The following ITPR2 variants were observed in gnomAD, a reference collection of about 807,000 sequenced individuals.
ITPR2 encodes inositol 1,4,5-trisphosphate-gated calcium channel ITPR2.
ITPR2 carries 207 observed loss-of-function variants against 317.1 expected under a neutral mutation model. That is an observed-to-expected ratio of 0.65 (90% CI 0.58 to 0.73). ITPR2 has a LOEUF of 0.73. Among genes scored for constraint, ITPR2 ranks in the 30% least tolerant of loss-of-function variants. The pLI is 0.00. For missense variants in ITPR2, 2,613 were observed against 3,284.0 expected (o/e 0.80, Z 4.99); for synonymous variants, 1,156 against 1,149.1 (o/e 1.01, Z -0.12).
chr12:26,656,487 T>C lies in ITPR2; in HGVS notation c.2254A>G (p.Ile752Val), dbSNP rs753953775. Residue 752 changes from isoleucine to valine, a missense_variant, in exon 19 of 57, where the codon ATT (isoleucine) becomes GTT (valine). Physicochemically the swap from Ile to Val is conservative, Grantham distance 29. Transcript: ENST00000381340. ...AGGTCTACAGACAGCTGTGTAGAAATCTGGTTTATGGCCAGATACTGGCGA... is the reference window on the plus strand; with the variant it reads ...AGGTCTACAGACAGCTGTGTAGAAACCTGGTTTATGGCCAGATACTGGCGA... ...LDRQYLAINQ[I>V]STQLSVDLIL... The C allele has an allele frequency of 1.9e-6, 3 of 1,614,190 alleles. No homozygotes were observed. The highest frequency in any genetic ancestry group is 1.3e-5 in the African/African-American group (1 of 75,052).
intron 55 of ITPR2, among the ~76,000 whole-genome samples, chr12:26,378,828 T>C (rs1939421060): frequency 6.6e-6 from 1 of 152,246 alleles, no homozygotes; most frequent in Non-Finnish European, 1.5e-5. Flanking sequence ...AAGTATGCAG[T>C]TGCCAACCAG....
chr12:26,560,747 T>C (rs2137027163), intron 35 of ITPR2, among the ~76,000 whole-genome samples: 1 of 152,346 alleles, frequency 6.6e-6, no homozygotes, highest in Non-Finnish European at 1.5e-5. Flanking sequence ...ATTTTTAATG[T>C]CTCACACCAT....
chr12:26,484,241 G>A (rs1336126757), intron 41 of ITPR2, among the ~76,000 whole-genome samples: 1 of 150,960 alleles, frequency 6.6e-6, no homozygotes, highest in Non-Finnish European at 1.5e-5. Context: ...ACTACACAGA[G>A]AGGGAAAGAG....
chr12:26,620,459 G>C (rs1208484507), intron 26 of ITPR2, among the ~76,000 whole-genome samples: 3 of 152,186 alleles, frequency 2.0e-5, no homozygotes, highest in African/African-American at 4.8e-5. Context: ...ACACCAGACA[G>C]GCATTTACAA....
At chr12:26,430,712 A>T (rs1204046221) in intron 48 of ITPR2, among the ~76,000 whole-genome samples, 1 of 152,244 alleles carries the variant, frequency 6.6e-6, no homozygotes, top group African/African-American at 2.4e-5. Flanking sequence ...AATTTACCCT[A>T]TACATTTTTA....
At chr12:26,391,083 A>G (rs1209861799) in intron 54 of ITPR2, among the ~76,000 whole-genome samples, 2 of 152,248 alleles carry the variant, frequency 1.3e-5, no homozygotes, top group Admixed American at 6.5e-5. Context: ...ATCCAGCCTC[A>G]GTACATGATT....
intron 55 of ITPR2, among the ~76,000 whole-genome samples, chr12:26,377,413 A>G (rs1224604438): frequency 6.6e-6 from 1 of 152,214 alleles, no homozygotes; most frequent in Non-Finnish European, 1.5e-5. Flanking sequence ...ACACATCTTT[A>G]AAAAATAAAA....
chr12:26,475,010 T>C (rs895531145), intron 45 of ITPR2, among the ~76,000 whole-genome samples: 3 of 152,076 alleles, frequency 2.0e-5, no homozygotes, highest in Admixed American at 1.3e-4. Context: ...AGGACCCTCA[T>C]TTTTTGCCAT....
intron 1 of ITPR2, among the ~76,000 whole-genome samples, chr12:26,811,472 G>A (rs750765153): frequency 2.0e-5 from 3 of 149,188 alleles, no homozygotes; most frequent in Non-Finnish European, 3.0e-5. Flanking sequence ...TTGGTTGGGC[G>A]CGGTGGCTCA....
At chr12:26,828,804 AG>A (rs1951049808) in intron 1 of ITPR2, among the ~76,000 whole-genome samples, 1 of 152,236 alleles carries the variant, frequency 6.6e-6, no homozygotes, top group African/African-American at 2.4e-5. Flanking sequence ...CAAAGCCAAA[AG>A]TCAGTTTTAG....
chr12:26,810,940 A>G (rs1950727528), intron 1 of ITPR2, among the ~76,000 whole-genome samples: 1 of 151,636 alleles, frequency 6.6e-6, no homozygotes, highest in Non-Finnish European at 1.5e-5. Context: ...TGCTGGCATT[A>G]CAGGCATGAG....
chr12:26,586,999 G>C (rs1945546036), intron 32 of ITPR2, among the ~76,000 whole-genome samples: 1 of 151,450 alleles, frequency 6.6e-6, no homozygotes, highest in Non-Finnish European at 1.5e-5. Flanking sequence ...TCCACTAATA[G>C]GTGATAATTT....
chr12:26,484,561 A>G (rs1942620976), intron 41 of ITPR2, among the ~76,000 whole-genome samples: 1 of 152,240 alleles, frequency 6.6e-6, no homozygotes. Flanking sequence ...GACTGGCTTA[A>G]TGAATAATAG....
chr12:26,448,372 G>C (rs1013781333), intron 45 of ITPR2, among the ~76,000 whole-genome samples: 1 of 151,322 alleles, frequency 6.6e-6, no homozygotes, highest in East Asian at 1.9e-4. Context: ...AATGCCATGG[G>C]GGGGAAATCT....
chr12:26,770,490 T>G (rs531593900), intron 2 of ITPR2, among the ~76,000 whole-genome samples: 16 of 152,316 alleles, frequency 1.1e-4, no homozygotes, highest in African/African-American at 3.8e-4. Context: ...TCTCTGTGCT[T>G]CTACAGTCTC....
chr12:26,833,194 G>A lies in ITPR2; in HGVS notation c.-413C>T, dbSNP rs1951149177. ...CCGTCACAGCCGCCCGGCGGGAGCT[G>A]GAAGTGGCCGAGCCCCCTCGGTCCC... On this transcript the variant is annotated 5_prime_UTR_variant, in exon 1 of 57. Transcript: ENST00000381340. 4 of 212,050 alleles carry A rather than the reference G, an allele frequency of 1.9e-5. No homozygotes were observed. The Admixed American group carries it at 1.9e-4, about 10-fold the overall frequency. 13.1% of individuals were successfully genotyped at this position (212,050 alleles called of 1,614,324 possible). A position where few individuals can be genotyped will look rare whatever the true frequency, so the allele number is the denominator to read the frequency against.
chr12:26,540,617 A>G (rs1944232941), intron 37 of ITPR2, among the ~76,000 whole-genome samples: 1 of 152,182 alleles, frequency 6.6e-6, no homozygotes, highest in African/African-American at 2.4e-5. Context: ...ATCTCTAAAG[A>G]GTGGTAGCAT....
chr12:26,708,698 C>T (rs1459568388), intron 9 of ITPR2, among the ~76,000 whole-genome samples: 1 of 152,074 alleles, frequency 6.6e-6, no homozygotes, highest in East Asian at 1.9e-4. Context: ...GATAGCCCAA[C>T]AGGGTAATAC....
intron 55 of ITPR2, among the ~76,000 whole-genome samples, chr12:26,348,160 CTT>C (rs1938365623): frequency 6.6e-6 from 1 of 152,218 alleles, no homozygotes; most frequent in African/African-American, 2.4e-5. Context: ...GCATTCCTCT[CTT>C]TGCACTTTTT....
Sources: gnomAD v4.1 joint callset for allele counts (sites outside exome capture counted in the v4.1 genomes callset) on GRCh38, gnomAD v4.1.1 for gene constraint, MANE v1.5 for transcripts, NCBI Gene and HGNC (gene_info 2026-07-23, HGNC 2026-07-21) for gene names.